IFT27: variants seen among roughly 807,000 people sequenced by gnomAD.
IFT27 encodes intraflagellar transport protein 27 homolog.
A neutral mutation model predicts 23.9 loss-of-function variants in IFT27; 19 were observed. The observed-to-expected ratio is 0.79, with a 90% CI of 0.55 to 1.16. The LOEUF (loss-of-function observed/expected upper bound fraction) is 1.16, where lower values mean the gene tolerates loss of function less well. Ranked by LOEUF, IFT27 falls within the 50% of genes most tolerant of loss-of-function variation. IFT27 has a pLI of 0.00. For synonymous variants in IFT27, 91 were observed against 89.1 expected (o/e 1.02, Z -0.12); for missense variants, 206 against 228.7 (o/e 0.90, Z 0.64).
In IFT27 at chr22:36,775,857, G is replaced by A. The variant is rs979737191; in HGVS notation, c.-150C>T. 4 of 633,300 alleles carry A rather than the reference G, an allele frequency of 6.3e-6. No homozygotes were observed. The highest frequency in any genetic ancestry group is 4.7e-5 in the Admixed American group (2 of 42,408). 39.2% of individuals were successfully genotyped at this position (633,300 alleles called of 1,614,324 possible). On this transcript the variant is annotated 5_prime_UTR_variant, in exon 1 of 7. Transcript: ENST00000433985. ...AGGGTCAGTGGCCGCGACGGGACTGGGGATGACCGAGCCCGGCCCTTCTGG... is the reference window on the plus strand; with the variant it reads ...AGGGTCAGTGGCCGCGACGGGACTGAGGATGACCGAGCCCGGCCCTTCTGG...
At chr22:36,768,963 A>G (rs1938331099) in intron 1 of IFT27, among the ~76,000 whole-genome samples, 1 of 152,128 alleles carries the variant, frequency 6.6e-6, no homozygotes, top group Non-Finnish European at 1.5e-5. Context: ...TTCCCATTTT[A>G]CAGTCGGCTT....
chr22:36,766,279 G>T, intron 3 of IFT27, 82 bp from the exon 4 acceptor site: 2 of 1,177,066 alleles, frequency 1.7e-6, no homozygotes, highest in Non-Finnish European at 2.5e-6. Flanking sequence ...AACTCACACT[G>T]GACTTGTCTT....
At chr22:36,759,059 A>G (rs1329747193) in intron 6 of IFT27, 1 of 152,594 alleles carries the variant, frequency 6.6e-6, no homozygotes, top group East Asian at 1.9e-4. Context: ...GGTCCCAATA[A>G]GAATGAACAG....
chr22:36,773,877 A>T (rs56727120), intron 1 of IFT27, among the ~76,000 whole-genome samples: 11,851 of 152,166 alleles, frequency 0.078, 1,605 homozygotes, highest in African/African-American at 0.27. Flanking sequence ...CAGGGTTGCT[A>T]TGAGGATTCA....
At chr22:36,768,134 T>C (rs775947420) in intron 1 of IFT27, 19 of 579,722 alleles carry the variant, frequency 3.3e-5, no homozygotes, top group Admixed American at 6.6e-5. Context: ...ACAGAGGGCT[T>C]TGGGGCCCTG....
chr22:36,762,868 T>G, intron 6 of IFT27, 36 bp downstream of exon 6: 1 of 1,439,486 alleles, frequency 6.9e-7, no homozygotes, highest in Admixed American at 2.0e-5. Flanking sequence ...AGAGGCCCAC[T>G]CCAGACTTGG....
At chr22:36,764,704 C>A (rs937463698) in intron 4 of IFT27, among the ~76,000 whole-genome samples, 1 of 152,246 alleles carries the variant, frequency 6.6e-6, no homozygotes, top group Non-Finnish European at 1.5e-5. Context: ...CCAAACCACA[C>A]TGACAACTGG....
chr22:36,769,683 G>A lies in IFT27; in HGVS notation c.35-1821C>T, dbSNP rs528680889. 2.6e-5 allele frequency among the ~76,000 whole-genome samples: 4 copies of A among 152,130 alleles called. No individual in the cohort carries two copies. The South Asian group carries it at 6.2e-4, about 24-fold the overall frequency. The stretch of plus-strand genomic sequence containing the variant: ...GCTGTCCCTCCAAGCCCTCCTCACC[G>A]CCTTCCATGACATCTGGGGCAACCA... On this transcript the variant is annotated intron_variant, in intron 1 of 6. Coordinates refer to ENST00000433985, the MANE Select transcript of IFT27 (RefSeq NM_001177701.3).
chr22:36,758,616 C>T (rs1937996370), intron 6 of IFT27: 2 of 575,726 alleles, frequency 3.5e-6, no homozygotes, highest in Admixed American at 3.0e-5. Context: ...AGGTACCTTG[C>T]AGGAAGCCAC....
In IFT27 at chr22:36,775,853, A is replaced by C. The variant is rs542596060; in HGVS notation, c.-146T>G. 51 of 433,542 alleles carry C rather than the reference A, an allele frequency of 1.2e-4. 1 individual carries two copies. Among genetic ancestry groups the C allele is most frequent in the South Asian group, 8.7e-4 (50 of 57,226 alleles). 26.9% of individuals were successfully genotyped at this position (433,542 alleles called of 1,614,324 possible). ...CTCAAGGGTCAGTGGCCGCGACGGG[A>C]CTGGGGATGACCGAGCCCGGCCCTT... is the stretch of plus-strand genomic sequence containing the variant. On this transcript the variant is annotated 5_prime_UTR_variant, in exon 1 of 7. Transcript: ENST00000433985.
chr22:36,772,299 G>C (rs1268695649), intron 1 of IFT27: 1 of 162,630 alleles, frequency 6.1e-6, no homozygotes, highest in Non-Finnish European at 1.3e-5. Context: ...CCAGACTCCA[G>C]CTCCATCACT....
chr22:36,774,534 G>A (rs1413971402), intron 1 of IFT27, among the ~76,000 whole-genome samples: 24 of 152,294 alleles, frequency 1.6e-4, no homozygotes, highest in African/African-American at 4.1e-4. Context: ...CTGGCCGGGC[G>A]CAGTGGCTCA....
intron 6 of IFT27, chr22:36,761,566 G>A (rs1056621469): frequency 6.6e-6 from 1 of 152,194 alleles, no homozygotes. Flanking sequence ...TCTACTGAGT[G>A]TTTACCAGGC....
Position 36,764,829 on chromosome 22 carries a change from C to T in IFT27, c.235-793G>A, listed in dbSNP as rs1228609766. Among the ~76,000 whole-genome samples, 3 of 152,282 alleles carry T rather than the reference C, an allele frequency of 2.0e-5. No homozygotes were observed. The East Asian group carries it at 5.8e-4, about 29-fold the overall frequency. On this transcript the variant is annotated intron_variant, in intron 4 of 6. Transcript: ENST00000433985. ...TGCCTGCCCCTGGATGTAGAATGGC[C>T]CTGTACAGGCTGTGGGTGCGCACCC...
rs544541169 is a variant in IFT27 at position 36,766,381 on chromosome 22, G to C, written c.175-184C>G. 16 of 595,482 alleles carry C rather than the reference G, an allele frequency of 2.7e-5. No individual in the cohort carries two copies. The East Asian group carries it at 4.6e-4, about 17-fold the overall frequency. The allele number at this position is 595,482 out of a possible 1,614,324, so 36.9% of individuals were successfully genotyped here. ...ATGAAGGGGAAAGGAGCGAACTCCAGAGTCTTAGAGAGGCAGTACGACGGG... is the reference window on the plus strand; with the variant it reads ...ATGAAGGGGAAAGGAGCGAACTCCACAGTCTTAGAGAGGCAGTACGACGGG... On this transcript the variant is annotated intron_variant, in intron 3 of 6. Coordinates refer to ENST00000433985, the MANE Select transcript of IFT27 (RefSeq NM_001177701.3).
At chr22:36,769,955 G>A (rs1212803831) in intron 1 of IFT27, among the ~76,000 whole-genome samples, 1 of 152,210 alleles carries the variant, frequency 6.6e-6, no homozygotes, top group African/African-American at 2.4e-5. Context: ...GGCTATGAGG[G>A]CTCAGAAGCA....
At position 36,766,211 on chromosome 22, in the gene IFT27, A is replaced by G; in HGVS notation, c.175-14T>C. On this transcript the variant is annotated splice_polypyrimidine_tract_variant and intron_variant, in intron 3 of 6. Coordinates refer to ENST00000433985, the MANE Select transcript of IFT27 (RefSeq NM_001177701.3). ...AATGAAGAGTTCCTACAATCAGAAA[A>G]GCAAGAAAAGTCTCCACGTGGAAAA... is the stretch of plus-strand genomic sequence containing the variant. 6.2e-7 allele frequency: 1 copy of G among 1,613,360 alleles called. No homozygotes were observed.
intron 3 of IFT27, 150 bp from the exon 4 acceptor site, chr22:36,766,347 C>T (rs556146680): frequency 3.1e-5 from 21 of 671,834 alleles, no homozygotes; most frequent in South Asian, 2.6e-4. Context: ...CTCCCAGGCA[C>T]GAGAGAAGAT....
chr22:36,771,751 C>T (rs1485415356), intron 1 of IFT27, among the ~76,000 whole-genome samples: 1 of 152,198 alleles, frequency 6.6e-6, no homozygotes, highest in East Asian at 1.9e-4. Context: ...ATGACGACTG[C>T]GTTTTCTGTC....
Sources: allele counts gnomAD v4.1 joint callset (sites outside exome capture counted in the v4.1 genomes callset), GRCh38; gene constraint gnomAD v4.1.1; transcripts MANE v1.5; gene names NCBI Gene and HGNC (gene_info 2026-07-23, HGNC 2026-07-21).